Variants in RSL24D1 observed in about 807,000 individuals in gnomAD.
RSL24D1 encodes the protein ribosomal L24 domain containing 1.
Under a neutral mutation model 26.2 loss-of-function variants are expected in RSL24D1, and 6 were observed. The ratio of observed to expected loss-of-function variants is 0.23; its 90% CI spans 0.13 to 0.45. The LOEUF (loss-of-function observed/expected upper bound fraction) is 0.45. RSL24D1 is among the 20% of genes least tolerant of loss of function. RSL24D1 has a pLI of 0.99. For synonymous variants in RSL24D1, 61 were observed against 59.1 expected, an observed-to-expected ratio of 1.03 and a Z score of -0.15; for missense variants, 176 against 202.6, an observed-to-expected ratio of 0.87 and a Z score of 0.80.
chr15:55,187,804 G>A (rs1241603777), intron 3 of RSL24D1, among the ~76,000 whole-genome samples: 1 of 151,990 alleles, frequency 6.6e-6, no homozygotes, highest in Non-Finnish European at 1.5e-5. Flanking sequence ...ACACTACTCA[G>A]GTGATGGATG....
At chr15:55,185,810 T>C (rs1269488656) in intron 3 of RSL24D1, among the ~76,000 whole-genome samples, 1 of 152,176 alleles carries the variant, frequency 6.6e-6, no homozygotes, top group Non-Finnish European at 1.5e-5. Context: ...TTATGAACAC[T>C]TAAAAGTGCC....
chr15:55,188,707 A>G (rs1366449451), intron 3 of RSL24D1, among the ~76,000 whole-genome samples: 1 of 152,230 alleles, frequency 6.6e-6, no homozygotes, highest in Non-Finnish European at 1.5e-5. Context: ...TGACACCAGC[A>G]TGGAGGACCA....
At chr15:55,182,309 G>T (rs1894177056) in intron 5 of RSL24D1, 84 bp from the exon 6 acceptor site, 2 of 881,006 alleles carry the variant, frequency 2.3e-6, no homozygotes, top group South Asian at 1.5e-5. Context: ...AAAGGATCTT[G>T]CATGTTTTCA....
At chr15:55,183,935 A>G (rs961719943) in intron 4 of RSL24D1, among the ~76,000 whole-genome samples, 1 of 152,138 alleles carries the variant, frequency 6.6e-6, no homozygotes, top group African/African-American at 2.4e-5. Context: ...ACATAAAACA[A>G]CCTTTAACTG....
At chr15:55,192,891 C>A in intron 1 of RSL24D1, 58 bp from the exon 2 acceptor site, 2 of 1,100,478 alleles carry the variant, frequency 1.8e-6, no homozygotes, top group South Asian at 1.3e-5. Context: ...TATCACAAGA[C>A]GTTACCCCTG....
intron 3 of RSL24D1, among the ~76,000 whole-genome samples, chr15:55,188,469 T>C (rs1894247588): frequency 6.6e-6 from 1 of 152,192 alleles, no homozygotes; most frequent in African/African-American, 2.4e-5. Context: ...GGCAAGAGAA[T>C]GAGACTCTGT....
Position 55,181,019 on chromosome 15 carries a change from T to A in RSL24D1, c.*1133A>T, listed in dbSNP as rs1894160293. ...CTGGTCTACAGCCTTAGTTTTACTA[T>A]CTAATACTGAAACAAAAAATGAGCC... On this transcript the variant is annotated 3_prime_UTR_variant, in exon 6 of 6. Transcript: ENST00000260443. The A allele has an allele frequency of 6.6e-6, 1 of 152,160 alleles. No individual in the cohort carries two copies. Among genetic ancestry groups the A allele is most frequent in the South Asian group, 2.1e-4 (1 of 4,832 alleles). 9.4% of individuals were successfully genotyped at this position (152,160 alleles called of 1,614,324 possible).
chr15:55,182,291 C>T (rs1894176899), intron 5 of RSL24D1, 66 bp from the exon 6 acceptor site: 4 of 986,184 alleles, frequency 4.1e-6, no homozygotes, highest in Non-Finnish European at 6.4e-6. Context: ...TTCACACCAA[C>T]ACTTTATAAA....
chr15:55,184,706 C>T (rs1225977984), intron 4 of RSL24D1, among the ~76,000 whole-genome samples: 1 of 152,134 alleles, frequency 6.6e-6, no homozygotes, highest in African/African-American at 2.4e-5. Context: ...ACCTGACAGA[C>T]ATCACCTTAA....
chr15:55,196,762 G>C (rs371319943), intron 1 of RSL24D1, 48 bp downstream of exon 1: 13 of 1,590,202 alleles, frequency 8.2e-6, no homozygotes, highest in Admixed American at 1.7e-5. Flanking sequence ...CCGCGCCCAG[G>C]AACCGCGGGA....
intron 2 of RSL24D1, among the ~76,000 whole-genome samples, chr15:55,191,572 T>C (rs1406852697): frequency 1.3e-5 from 2 of 152,092 alleles, no homozygotes; most frequent in Non-Finnish European, 2.9e-5. Flanking sequence ...ATAAATGAGG[T>C]GCTACTCTGC....
In RSL24D1 at chr15:55,183,333, T is replaced by A; in HGVS notation, c.400A>T (p.Ile134Phe). 1.9e-6 allele frequency: 3 copies of A among 1,611,576 alleles called. No individual in the cohort carries two copies. The highest frequency in any genetic ancestry group is 2.5e-6 in the Non-Finnish European group (3 of 1,179,534). The change falls in exon 5 of 6, where the codon ATC becomes TTC. Residue 134 changes from isoleucine to phenylalanine, a missense_variant. Ile to Phe is a conservative substitution (Grantham distance 21). Transcript: ENST00000260443. ...IKEVKQNIHL[I>F]RAPLAGKGKQ... Reference sequence around the variant, plus strand: ...TACTCACCTGCAAGAGGGGCTCGGATAAGATGGATGTTTTGCTTGACTTCT... The same window carrying A: ...TACTCACCTGCAAGAGGGGCTCGGAAAAGATGGATGTTTTGCTTGACTTCT...
intron 3 of RSL24D1, among the ~76,000 whole-genome samples, chr15:55,189,892 C>T (rs1894273665): frequency 6.6e-6 from 1 of 152,166 alleles, no homozygotes; most frequent in Admixed American, 6.5e-5. Context: ...AACCACATCA[C>T]CCCCACACCC....
intron 2 of RSL24D1, chr15:55,192,356 G>A (rs1894307154): frequency 6.0e-6 from 1 of 167,044 alleles, no homozygotes; most frequent in Non-Finnish European, 1.3e-5. Flanking sequence ...ACAAAGTCCT[G>A]CTAAGGAAAT....
intron 4 of RSL24D1, among the ~76,000 whole-genome samples, chr15:55,184,924 AAAAG>A (rs1416236730): frequency 6.6e-6 from 1 of 152,186 alleles, no homozygotes; most frequent in Non-Finnish European, 1.5e-5. Context: ...AATGTCACGT[AAAAG>A]AAAGATGAGA....
At chr15:55,189,885 C>T (rs1894273495) in intron 3 of RSL24D1, among the ~76,000 whole-genome samples, 1 of 152,112 alleles carries the variant, frequency 6.6e-6, no homozygotes, top group Admixed American at 6.6e-5. Flanking sequence ...GTTAACAAAC[C>T]ACATCACCCC....
intron 5 of RSL24D1, 111 bp downstream of exon 5, chr15:55,183,204 C>A: frequency 1.4e-6 from 1 of 715,786 alleles, no homozygotes; most frequent in South Asian, 2.1e-5. Context: ...TAGGCCAAAT[C>A]ATATCATAAA....
rs767491670 is a variant in RSL24D1 at position 55,183,400 on chromosome 15, T to C, written c.333A>G (p.Arg111=). 3.7e-6 allele frequency: 6 copies of C among 1,611,828 alleles called. No individual in the cohort carries two copies. In the East Asian group the frequency reaches 1.3e-4, roughly 36 times the overall value. Residue 111 remains arginine, a splice_region_variant and synonymous_variant, in exon 5 of 6, where the codon AGA becomes AGG. Coordinates refer to ENST00000260443, the MANE Select transcript of RSL24D1 (RefSeq NM_016304.3). ...TCTGTAGCTCTTTATTTTTCTTCAATCTACAACAAAACATATTAAAGCCAA... is the reference window on the plus strand; with the variant it reads ...TCTGTAGCTCTTTATTTTTCTTCAACCTACAACAAAACATATTAAAGCCAA... ...QKRQAKFIMN[R]LKKNKELQKV...
chr15:55,194,541 A>AT, intron 1 of RSL24D1, among the ~76,000 whole-genome samples: 1 of 152,120 alleles, frequency 6.6e-6, no homozygotes, highest in East Asian at 1.9e-4. Context: ...CTAACAAATG[A>AT]TCCCCCATAC....
Sources: allele counts gnomAD v4.1 joint callset (sites outside exome capture counted in the v4.1 genomes callset), GRCh38; gene constraint gnomAD v4.1.1; transcripts MANE v1.5; gene names NCBI Gene and HGNC (gene_info 2026-07-23, HGNC 2026-07-21).